The following UQCRFS1 variants were observed in gnomAD, a reference collection of about 807,000 sequenced individuals.
UQCRFS1 encodes the protein ubiquinol-cytochrome c reductase, Rieske iron-sulfur polypeptide 1, also known as cytochrome b-c1 complex subunit Rieske, mitochondrial.
In UQCRFS1, 6 loss-of-function variants were observed where a neutral mutation model predicts 15.6. The ratio of observed to expected loss-of-function variants is 0.38; its 90% CI spans 0.21 to 0.76. The LOEUF (loss-of-function observed/expected upper bound fraction) is 0.76. Ranked by LOEUF, UQCRFS1 falls within the 30% of genes least tolerant of loss-of-function variation. The pLI, the probability that UQCRFS1 is intolerant of heterozygous loss-of-function variation, is 0.44. For synonymous variants in UQCRFS1, 105 were observed against 154.3 expected, an observed-to-expected ratio of 0.68 and a Z score of 2.37; for missense variants, 203 against 366.7, an observed-to-expected ratio of 0.55 and a Z score of 3.65.
In UQCRFS1 at chr19:29,212,885, C is replaced by T; in HGVS notation, c.214+20G>A. ...ACCGAGAGACCCCCAGCCCTGCTCG[C>T]GGCCCTCGCCCCGGCTCACCATTGA... On this transcript the variant is annotated intron_variant, in intron 1 of 1. Coordinates refer to ENST00000304863, the MANE Select transcript of UQCRFS1 (RefSeq NM_006003.3). 1 of 1,424,220 alleles carries T rather than the reference C, an allele frequency of 7.0e-7. No individual in the cohort carries two copies. The allele number at this position is 1,424,220 out of a possible 1,614,324, so 88.2% of individuals were successfully genotyped here.
At position 29,206,992 on chromosome 19, in the gene UQCRFS1, A is replaced by C. The variant is rs1976600488; in HGVS notation, c.*556T>G. 2 of 152,918 alleles carry C rather than the reference A, an allele frequency of 1.3e-5. No homozygotes were observed. The highest frequency in any genetic ancestry group is 6.5e-5 in the Admixed American group (1 of 15,338). The allele number at this position is 152,918 out of a possible 1,614,324, so 9.5% of individuals were successfully genotyped here. ...GACGTGAAGATAAACCCTCAGAGCT[A>C]CTAATGCCTCATTCAGGACTCTTTC... is the stretch of plus-strand genomic sequence containing the variant. On this transcript the variant is annotated 3_prime_UTR_variant, in exon 2 of 2. Coordinates refer to ENST00000304863, the MANE Select transcript of UQCRFS1 (RefSeq NM_006003.3).
In UQCRFS1 at chr19:29,212,826, C is replaced by A. The variant is rs796300387; in HGVS notation, c.214+79G>T. On this transcript the variant is annotated intron_variant, in intron 1 of 1. Coordinates refer to ENST00000304863, the MANE Select transcript of UQCRFS1 (RefSeq NM_006003.3). ...GATTCAGGCTCCGCTCGCGCGCCCG[C>A]GGCCGCTCCCTGCTGGGGGCCGGAG... The A allele has an allele frequency of 2.7e-5, 36 of 1,316,288 alleles. 1 individual carries two copies. The African/African-American group carries it at 4.8e-4, about 18-fold the overall frequency. The allele number at this position is 1,316,288 out of a possible 1,614,324, so 81.5% of individuals were successfully genotyped here. A position where few individuals can be genotyped will look rare whatever the true frequency, so the allele number is the denominator to read the frequency against.
Position 29,206,730 on chromosome 19 carries a change from TTA to T in UQCRFS1, c.*816_*817del, listed in dbSNP as rs1976597530. ...GGACCACTTCTGCATGCAGGCAGTA[TTA>T]GGTCTCAGATGCTCCCTTTCTGCCT... is the stretch of plus-strand genomic sequence containing the variant. On this transcript the variant is annotated 3_prime_UTR_variant, in exon 2 of 2. Coordinates refer to ENST00000304863, the MANE Select transcript of UQCRFS1 (RefSeq NM_006003.3). 1 of 152,226 alleles carries T rather than the reference TTA, an allele frequency of 6.6e-6. No homozygotes were observed. The highest frequency in any genetic ancestry group is 2.1e-4 in the South Asian group (1 of 4,830). 9.4% of individuals were successfully genotyped at this position (152,226 alleles called of 1,614,324 possible). A position where few individuals can be genotyped will look rare whatever the true frequency, so the allele number is the denominator to read the frequency against.
Position 29,206,972 on chromosome 19 carries a change from G to A in UQCRFS1, c.*576C>T, listed in dbSNP as rs958316102. On this transcript the variant is annotated 3_prime_UTR_variant, in exon 2 of 2. Transcript: ENST00000304863. ...GGAGAAAAACCAGCAGACCAGACGT[G>A]AAGATAAACCCTCAGAGCTACTAAT... 6.6e-6 allele frequency: 1 copy of A among 152,492 alleles called. No individual in the cohort carries two copies. The highest frequency in any genetic ancestry group is 1.9e-4 in the East Asian group (1 of 5,200). 9.4% of individuals were successfully genotyped at this position (152,492 alleles called of 1,614,324 possible).
Position 29,208,127 on chromosome 19 carries a change from G to A in UQCRFS1, c.246C>T (p.Asp82=), listed in dbSNP as rs1349098227. 2.5e-6 allele frequency: 4 copies of A among 1,612,934 alleles called. No homozygotes were observed. Among genetic ancestry groups the A allele is most frequent in the Non-Finnish European group, 2.5e-6 (3 of 1,179,628 alleles). The part of the protein sequence containing the change: ...VPASVCYSHT[D]IKVPDFSEYR... ...ATTCAGAGAAGTCAGGCACCTTGAT[G>A]TCTGTGTGGGAATAACAAACAGAAG... is the stretch of plus-strand genomic sequence containing the variant. The change falls in exon 2 of 2, where the codon GAC becomes GAT. Residue 82 remains aspartate, a synonymous_variant. Transcript: ENST00000304863.
intron 1 of UQCRFS1, among the ~76,000 whole-genome samples, chr19:29,212,173 G>A (rs1976660354): frequency 6.6e-6 from 1 of 152,178 alleles, no homozygotes; most frequent in Admixed American, 6.5e-5. Flanking sequence ...AGAGGGTGTG[G>A]AATAGCCCCT....
Position 29,209,232 on chromosome 19 carries a change from T to A in UQCRFS1, c.215-1074A>T, listed in dbSNP as rs142176949. On this transcript the variant is annotated intron_variant, in intron 1 of 1. Coordinates refer to ENST00000304863, the MANE Select transcript of UQCRFS1 (RefSeq NM_006003.3). ...AGGAAGCAAACCTCTTTGCAAATTGTATATTCATCTTAAGAAATTTGCCAC... is the reference window on the plus strand; with the variant it reads ...AGGAAGCAAACCTCTTTGCAAATTGAATATTCATCTTAAGAAATTTGCCAC... Among the ~76,000 whole-genome samples, 820 of 152,308 alleles carry A rather than the reference T, an allele frequency of 5.4e-3. 7 individuals carry two copies. Among genetic ancestry groups the A allele is most frequent in the African/African-American group, 0.019 (782 of 41,566 alleles).
chr19:29,212,093 C>T (rs1361572710), intron 1 of UQCRFS1, among the ~76,000 whole-genome samples: 2 of 152,168 alleles, frequency 1.3e-5, no homozygotes, highest in African/African-American at 4.8e-5. Context: ...GCTGCCATTT[C>T]TCTATCTCCG....
Position 29,205,489 on chromosome 19 carries a change from A to G in UQCRFS1, c.*2059T>C, listed in dbSNP as rs1195036341. 2 of 152,224 alleles carry G rather than the reference A, an allele frequency of 1.3e-5. No homozygotes were observed. The highest frequency in any genetic ancestry group is 2.9e-5 in the Non-Finnish European group (2 of 68,040). 9.4% of individuals were successfully genotyped at this position (152,224 alleles called of 1,614,324 possible). ...TCAAAGTTTTTACAAAGGTATGCTC[A>G]GAAAGACCAAAGAAAATTTGATGTT... On this transcript the variant is annotated 3_prime_UTR_variant, in exon 2 of 2. Transcript: ENST00000304863.
chr19:29,209,651 A>T (rs1047006889), intron 1 of UQCRFS1, among the ~76,000 whole-genome samples: 1 of 152,184 alleles, frequency 6.6e-6, no homozygotes, highest in African/African-American at 2.4e-5. Flanking sequence ...TACTACTCTA[A>T]CAAATAAATG....
In UQCRFS1 at chr19:29,207,568, C is replaced by T. The variant is rs1313325589; in HGVS notation, c.805G>A (p.Asp269Asn). The change falls in exon 2 of 2, where the codon GAT becomes AAT. Residue 269 changes from aspartate to asparagine, a missense_variant. Asp to Asn is a conservative substitution (Grantham distance 23, BLOSUM62 1). Around this residue, in one of 3 missense-constraint regions of UQCRFS1, gnomAD observed 91 missense variants for 186.9 expected, o/e 0.49. Coordinates refer to ENST00000304863, the MANE Select transcript of UQCRFS1 (RefSeq NM_006003.3). Reference protein sequence around the residue: ...EVPTYEFTSDDMVIVG With the variant: ...EVPTYEFTSDNMVIVG ...GTCTCTTAACCAACAATCACCATAT[C>T]GTCACTGGTGAACTCATACGTGGGG... 6 of 1,610,422 alleles carry T rather than the reference C, an allele frequency of 3.7e-6. No homozygotes were observed. Among genetic ancestry groups the T allele is most frequent in the Non-Finnish European group, 5.1e-6 (6 of 1,177,318 alleles).
chr19:29,206,106 AAT>A lies in UQCRFS1; in HGVS notation c.*1440_*1441del, dbSNP rs1976591862. 6.6e-6 allele frequency: 1 copy of A among 152,116 alleles called. No individual in the cohort carries two copies. Among genetic ancestry groups the A allele is most frequent in the African/African-American group, 2.4e-5 (1 of 41,424 alleles). The allele number at this position is 152,116 out of a possible 1,614,324, so 9.4% of individuals were successfully genotyped here. ...TGGACCTGTGTTCCCCTCACAACTC[AAT>A]GTTTCACATTCCAACTCTGCCACCA... is the stretch of plus-strand genomic sequence containing the variant. On this transcript the variant is annotated 3_prime_UTR_variant, in exon 2 of 2. Coordinates refer to ENST00000304863, the MANE Select transcript of UQCRFS1 (RefSeq NM_006003.3).
chr19:29,207,946 A>C lies in UQCRFS1; in HGVS notation c.427T>G (p.Ser143Ala), dbSNP rs765467265. The stretch of plus-strand genomic sequence containing the variant: ...TTCGCCAGGGCCAACACATCAGCAG[A>C]AGCACTCATGCTGGAAACGAACTGG... ...VTQFVSSMSA[S>A]ADVLALAKIE... The change falls in exon 2 of 2, where the codon TCT becomes GCT. Residue 143 changes from serine (S) to alanine (A), a missense_variant. Transcript: ENST00000304863. The C allele has an allele frequency of 6.2e-7, 1 of 1,614,010 alleles. No individual in the cohort carries two copies. The highest frequency in any genetic ancestry group is 8.5e-7 in the Non-Finnish European group (1 of 1,179,854).
chr19:29,208,292 G>T, intron 1 of UQCRFS1, 134 bp from the exon 2 acceptor site: 1 of 1,236,562 alleles, frequency 8.1e-7, no homozygotes, highest in Non-Finnish European at 1.1e-6. Flanking sequence ...GCACTCACTG[G>T]GTCTCAGAAA....
rs1286962742 is a variant in UQCRFS1, at chr19:29,205,459, T to C, written c.*2089A>G. The stretch of plus-strand genomic sequence containing the variant: ...GACAAATGCCCTCTATACACTCAGA[T>C]TGAGTCAAAGTTTTTACAAAGGTAT... On this transcript the variant is annotated 3_prime_UTR_variant, in exon 2 of 2. Coordinates refer to ENST00000304863, the MANE Select transcript of UQCRFS1 (RefSeq NM_006003.3). 4.6e-5 allele frequency: 7 copies of C among 152,352 alleles called. No individual in the cohort carries two copies. The highest frequency in any genetic ancestry group is 2.1e-4 in the South Asian group (1 of 4,828). The allele number at this position is 152,352 out of a possible 1,614,324, so 9.4% of individuals were successfully genotyped here. A position where few individuals can be genotyped will look rare whatever the true frequency, so the allele number is the denominator to read the frequency against.
At chr19:29,212,397 T>TG (rs1413334673) in intron 1 of UQCRFS1, among the ~76,000 whole-genome samples, 1 of 143,996 alleles carries the variant, frequency 6.9e-6, no homozygotes, top group African/African-American at 2.5e-5. Context: ...TTTTTTTTGG[T>TG]GGGGGGGTGA....
rs1362311842 is a variant in UQCRFS1, at chr19:29,207,003, A to G, written c.*545T>C. 1 of 153,108 alleles carries G rather than the reference A, an allele frequency of 6.5e-6. No homozygotes were observed. The highest frequency in any genetic ancestry group is 2.4e-5 in the African/African-American group (1 of 41,450). The allele number at this position is 153,108 out of a possible 1,614,324, so 9.5% of individuals were successfully genotyped here. A position where few individuals can be genotyped will look rare whatever the true frequency, so the allele number is the denominator to read the frequency against. On this transcript the variant is annotated 3_prime_UTR_variant, in exon 2 of 2. Transcript: ENST00000304863. ...AAACCCTCAGAGCTACTAATGCCTCATTCAGGACTCTTTCCCACAGATTAG... is the reference window on the plus strand; with the variant it reads ...AAACCCTCAGAGCTACTAATGCCTCGTTCAGGACTCTTTCCCACAGATTAG...
intron 1 of UQCRFS1, among the ~76,000 whole-genome samples, chr19:29,212,089 A>G (rs907054357): frequency 5.3e-5 from 8 of 152,280 alleles, no homozygotes; most frequent in African/African-American, 1.9e-4. Context: ...ACAGGCTGCC[A>G]TTTCTCTATC....
At chr19:29,209,229 T>C (rs1976621554) in intron 1 of UQCRFS1, among the ~76,000 whole-genome samples, 1 of 152,184 alleles carries the variant, frequency 6.6e-6, no homozygotes, top group African/African-American at 2.4e-5. Context: ...TCTTTGCAAA[T>C]TGTATATTCA....
Sources: gnomAD v4.1 joint callset for allele counts (sites outside exome capture counted in the v4.1 genomes callset) on GRCh38, gnomAD v4.1.1 for gene constraint, gnomAD v4.1.1 regional missense constraint, MANE v1.5 for transcripts, NCBI Gene and HGNC (gene_info 2026-07-23, HGNC 2026-07-21) for gene names.